The following SLC37A3 variants were observed in gnomAD, a reference collection of about 807,000 sequenced individuals.
The protein encoded by SLC37A3 is sugar phosphate exchanger 3.
A neutral mutation model predicts 67.1 loss-of-function variants in SLC37A3; 51 were observed. The ratio of observed to expected loss-of-function variants is 0.76; its 90% CI spans 0.61 to 0.96. The LOEUF (loss-of-function observed/expected upper bound fraction) is 0.96. Among genes scored for constraint, SLC37A3 ranks in the 40% least tolerant of loss-of-function variants. The pLI is 0.00. For synonymous variants in SLC37A3, 214 were observed against 231.4 expected, an observed-to-expected ratio of 0.92 and a Z score of 0.68; for missense variants, 508 against 603.0, an observed-to-expected ratio of 0.84 and a Z score of 1.65.
chr7:140,357,581 G>T (rs1166481116), intron 6 of SLC37A3, among the ~76,000 whole-genome samples: 1 of 145,110 alleles, frequency 6.9e-6, no homozygotes, highest in African/African-American at 2.5e-5. Flanking sequence ...AAAAAAAAAA[G>T]ATGACTCAAA....
At chr7:140,375,512 G>A (rs1206498413) in intron 3 of SLC37A3, among the ~76,000 whole-genome samples, 2 of 150,938 alleles carry the variant, frequency 1.3e-5, no homozygotes, top group Non-Finnish European at 3.0e-5. Flanking sequence ...GAATATTAAA[G>A]ACAAAAATCA....
In SLC37A3 at chr7:140,335,059, T is replaced by A; in HGVS notation, c.*353A>T. 1 of 675,912 alleles carries A rather than the reference T, an allele frequency of 1.5e-6. No individual in the cohort carries two copies. Among genetic ancestry groups the A allele is most frequent in the South Asian group, 2.0e-5 (1 of 50,804 alleles). The allele number at this position is 675,912 out of a possible 1,614,324, so 41.9% of individuals were successfully genotyped here. On this transcript the variant is annotated 3_prime_UTR_variant, in exon 15 of 15. Coordinates refer to ENST00000326232, the MANE Select transcript of SLC37A3 (RefSeq NM_207113.3). ...GCTTTGCCTCCTGTTCACTCCATTT[T>A]CAAGGCTAGAGAAAGTTCAAGTCCA... is the stretch of plus-strand genomic sequence containing the variant.
At chr7:140,351,690 G>A (rs11771118) in intron 8 of SLC37A3, 67,931 of 574,162 alleles carry the variant, frequency 0.12, 4,734 homozygotes, top group African/African-American at 0.21. Flanking sequence ...TATGTAATCT[G>A]TATTTAACTA....
At chr7:140,368,721 C>A (rs1200875640) in intron 4 of SLC37A3, among the ~76,000 whole-genome samples, 3 of 152,192 alleles carry the variant, frequency 2.0e-5, no homozygotes, top group African/African-American at 7.2e-5. Flanking sequence ...TGTAATGCAT[C>A]CAAAAGCGAG....
chr7:140,393,215 C>A (rs1486463791), intron 1 of SLC37A3, among the ~76,000 whole-genome samples: 1 of 152,170 alleles, frequency 6.6e-6, no homozygotes, highest in African/African-American at 2.4e-5. Context: ...TGCACACATA[C>A]CAGGCAGAGC....
chr7:140,345,764 T>C, intron 11 of SLC37A3, 105 bp downstream of exon 11: 1 of 859,336 alleles, frequency 1.2e-6, no homozygotes, highest in South Asian at 1.4e-5. Flanking sequence ...GCCTTGAAGC[T>C]GGTCTCCAGG....
intron 9 of SLC37A3, among the ~76,000 whole-genome samples, chr7:140,350,217 G>A (rs1366413526): frequency 1.3e-5 from 2 of 152,162 alleles, no homozygotes. Context: ...TCCATGGGAA[G>A]GGGAACTGAG....
chr7:140,363,690 T>G (rs1437115043), intron 5 of SLC37A3, among the ~76,000 whole-genome samples: 1 of 30,596 alleles, frequency 3.3e-5, no homozygotes, highest in Admixed American at 3.9e-4. Context: ...GAATGATCAA[T>G]AAAAAAAAAA....
intron 5 of SLC37A3, among the ~76,000 whole-genome samples, chr7:140,363,875 T>C (rs887207103): frequency 4.6e-5 from 7 of 151,690 alleles, no homozygotes; most frequent in African/African-American, 1.7e-4. Flanking sequence ...CAGGGTGTAG[T>C]GAATGCCAGG....
intron 5 of SLC37A3, among the ~76,000 whole-genome samples, chr7:140,360,612 T>A (rs571735539): frequency 6.6e-6 from 1 of 151,288 alleles, no homozygotes. Context: ...TGCACACCTG[T>A]AGTCCCAGCT....
chr7:140,349,548 G>GGA (rs1796711154), intron 9 of SLC37A3, among the ~76,000 whole-genome samples: 1 of 142,500 alleles, frequency 7.0e-6, no homozygotes, highest in Non-Finnish European at 1.5e-5. Flanking sequence ...AGGGGGGGGG[G>GGA]ACAGAGGGGC....
At chr7:140,366,905 T>C (rs7803606) in intron 4 of SLC37A3, among the ~76,000 whole-genome samples, 83,191 of 151,762 alleles carry the variant, frequency 0.55, 22,915 homozygotes, top group South Asian at 0.63. Flanking sequence ...AAGGCCGAGG[T>C]GGGCGGATCA....
At chr7:140,365,821 C>T (rs1457653263) in intron 4 of SLC37A3, among the ~76,000 whole-genome samples, 1 of 148,780 alleles carries the variant, frequency 6.7e-6, no homozygotes, top group Non-Finnish European at 1.5e-5. Flanking sequence ...AAAGTAGATT[C>T]TATGTTGTCT....
chr7:140,343,427 T>C lies in SLC37A3; in HGVS notation c.1311A>G (p.Gly437=), dbSNP rs1563008210. The C allele has an allele frequency of 3.7e-6, 6 of 1,613,588 alleles. No individual in the cohort carries two copies. The highest frequency in any genetic ancestry group is 4.2e-6 in the Non-Finnish European group (5 of 1,179,946). Reference sequence around the variant, plus strand: ...GTTCTCTCACCTGGCCCACTGCAGCTCCAATGCTCCCCGAACCATCCACAA... The same window carrying C: ...GTTCTCTCACCTGGCCCACTGCAGCCCCAATGCTCCCCGAACCATCCACAA... The part of the protein sequence containing the change: ...TGIVDGSGSI[G]AAVGQYLVSL... Residue 437 remains glycine, a synonymous_variant, in exon 13 of 15, where the codon GGA becomes GGG. Transcript: ENST00000326232.
At chr7:140,371,454 G>T (rs1325531002) in intron 3 of SLC37A3, among the ~76,000 whole-genome samples, 1 of 152,150 alleles carries the variant, frequency 6.6e-6, no homozygotes, top group Admixed American at 6.5e-5. Flanking sequence ...TTACAGGCGT[G>T]AGCCACCGTG....
At position 140,380,344 on chromosome 7, in the gene SLC37A3, C is replaced by T; in HGVS notation, c.136G>A (p.Val46Ile). ...GGGGTCCACTGCTCAGAGATACTGA[C>T]TTTGACATTGCTAAATGTTTTTCGT... ...ASRKTFSNVKVSISEQWTPSA... is the reference protein window; with the variant it reads ...ASRKTFSNVKISISEQWTPSA... Residue 46 changes from valine (V) to isoleucine (I), a missense_variant, in exon 3 of 15, where the codon GTC (valine) becomes ATC (isoleucine). Coordinates refer to ENST00000326232, the MANE Select transcript of SLC37A3 (RefSeq NM_207113.3). 1 of 1,613,620 alleles carries T rather than the reference C, an allele frequency of 6.2e-7. No individual in the cohort carries two copies. Among genetic ancestry groups the T allele is most frequent in the Non-Finnish European group, 8.5e-7 (1 of 1,179,656 alleles).
chr7:140,389,469 T>G (rs1585377974), intron 1 of SLC37A3, among the ~76,000 whole-genome samples: 1 of 151,848 alleles, frequency 6.6e-6, no homozygotes, highest in Non-Finnish European at 1.5e-5. Flanking sequence ...ACTCCCTACT[T>G]CCCAAGCCCC....
At chr7:140,380,640 G>C (rs1798214054) in intron 2 of SLC37A3, among the ~76,000 whole-genome samples, 1 of 152,040 alleles carries the variant, frequency 6.6e-6, no homozygotes, top group African/African-American at 2.4e-5. Context: ...CACCTCCTGG[G>C]CTCAAGCCAG....
intron 13 of SLC37A3, among the ~76,000 whole-genome samples, chr7:140,338,524 T>A (rs980000204): frequency 7.2e-5 from 11 of 152,136 alleles, no homozygotes; most frequent in Admixed American, 2.0e-4. Flanking sequence ...TAGGCTGGAG[T>A]GCAGTGGGGC....
Sources: allele counts gnomAD v4.1 joint callset (sites outside exome capture counted in the v4.1 genomes callset), GRCh38; gene constraint gnomAD v4.1.1; transcripts MANE v1.5; gene names NCBI Gene and HGNC (gene_info 2026-07-23, HGNC 2026-07-21).